Variants in C2CD3 observed in about 807,000 individuals in gnomAD.
The protein encoded by C2CD3 is C2 domain-containing protein 3.
In C2CD3, 148 loss-of-function variants were observed where a neutral mutation model predicts 234.0. The observed-to-expected ratio is 0.63, with a 90% CI of 0.55 to 0.72. C2CD3 has a LOEUF of 0.72. Among genes scored for constraint, C2CD3 ranks in the 30% least tolerant of loss-of-function variants. The pLI is 0.00. For missense variants in C2CD3, 2,577 were observed against 2,811.5 expected, an observed-to-expected ratio of 0.92 and a Z score of 1.89; for synonymous variants, 1,000 against 1,035.4, an observed-to-expected ratio of 0.97 and a Z score of 0.66.
At chr11:74,049,606 G>A (rs1591334564) in intron 26 of C2CD3, 64 bp from the exon 27 acceptor site, 3 of 1,292,680 alleles carry the variant, frequency 2.3e-6, no homozygotes, top group Non-Finnish European at 3.3e-6. Flanking sequence ...AGATTAGAGG[G>A]TGCACACAGA....
chr11:74,126,465 CA>C (rs1957417429), intron 7 of C2CD3, among the ~76,000 whole-genome samples: 1 of 152,096 alleles, frequency 6.6e-6, no homozygotes. Flanking sequence ...GCAATTTGGT[CA>C]GACATGGTGC....
intron 22 of C2CD3, 115 bp downstream of exon 22, chr11:74,084,763 GTGT>G (rs1371184920): frequency 1.6e-6 from 1 of 639,024 alleles, no homozygotes; most frequent in African/African-American, 1.8e-5. Flanking sequence ...TCAGAAGCAT[GTGT>G]TAAGGGGTTG....
chr11:74,146,142 G>GAGTGGTATA (rs1855171480), intron 3 of C2CD3, among the ~76,000 whole-genome samples: 1 of 152,140 alleles, frequency 6.6e-6, no homozygotes, highest in Admixed American at 6.5e-5. Flanking sequence ...AGTAAATAAT[G>GAGTGGTATA]AGTGGTATAC....
chr11:74,024,656 T>C (rs1349959152), intron 32 of C2CD3, among the ~76,000 whole-genome samples: 1 of 152,244 alleles, frequency 6.6e-6, no homozygotes, highest in East Asian at 1.9e-4. Context: ...TTTCAATCTT[T>C]TTAAAAAATG....
chr11:74,037,027 G>T (rs1952781632), intron 30 of C2CD3, among the ~76,000 whole-genome samples: 1 of 152,192 alleles, frequency 6.6e-6, no homozygotes, highest in Admixed American at 6.5e-5. Context: ...GAATCATCTA[G>T]GGTGCTTGTT....
At chr11:74,112,585 C>A (rs1372844200) in intron 11 of C2CD3, among the ~76,000 whole-genome samples, 1 of 151,866 alleles carries the variant, frequency 6.6e-6, no homozygotes, top group Admixed American at 6.6e-5. Context: ...CTAGGATATA[C>A]AAAGAACTCT....
chr11:74,048,227 G>T lies in C2CD3; in HGVS notation c.5473C>A (p.Leu1825Ile). The change falls in exon 28 of 33, where the codon CTT (leucine) becomes ATT (isoleucine). Residue 1825 changes from leucine (L) to isoleucine (I), a missense_variant. Coordinates refer to ENST00000334126, the MANE Select transcript of C2CD3 (RefSeq NM_001286577.2). The part of the protein sequence containing the change: ...DQLAHASSKE[L>I]DFSSPGRSDT... ...CACCTCCCAGGAGAGGAGAAATCAA[G>T]CTCCTTTGAGGAGGCATGAGCAAGT... 6.2e-7 allele frequency: 1 copy of T among 1,613,470 alleles called. No individual in the cohort carries two copies. Among genetic ancestry groups the T allele is most frequent in the Non-Finnish European group, 8.5e-7 (1 of 1,179,746 alleles).
chr11:74,081,644 T>C (rs565023323), intron 22 of C2CD3, among the ~76,000 whole-genome samples: 5 of 152,244 alleles, frequency 3.3e-5, no homozygotes, highest in African/African-American at 4.8e-5. Context: ...ATCATCATCA[T>C]CACCACCATC....
chr11:74,078,047 G>A, intron 23 of C2CD3, 68 bp downstream of exon 23: 2 of 1,520,558 alleles, frequency 1.3e-6, no homozygotes, highest in South Asian at 1.3e-5. Flanking sequence ...CTGACAGAGT[G>A]TCTCACCTAG....
intron 22 of C2CD3, among the ~76,000 whole-genome samples, chr11:74,080,398 A>G (rs1955293321): frequency 6.6e-6 from 1 of 152,132 alleles, no homozygotes; most frequent in South Asian, 2.1e-4. Flanking sequence ...CTTTGGCTCT[A>G]AGATTATGTT....
At chr11:74,082,864 G>A (rs930560787) in intron 22 of C2CD3, among the ~76,000 whole-genome samples, 2 of 152,166 alleles carry the variant, frequency 1.3e-5, no homozygotes, top group Admixed American at 1.3e-4. Flanking sequence ...TGGCCATACT[G>A]CCGAAGGTAA....
chr11:74,139,724 T>C lies in C2CD3; in HGVS notation c.588A>G (p.Arg196=), dbSNP rs1055223575. 1 of 1,612,478 alleles carries C rather than the reference T, an allele frequency of 6.2e-7. No individual in the cohort carries two copies. Among genetic ancestry groups the C allele is most frequent in the African/African-American group, 1.3e-5 (1 of 74,876 alleles). The change falls in exon 4 of 33, where the codon AGA becomes AGG. Residue 196 remains arginine, a synonymous_variant. Transcript: ENST00000334126. ...GGGTACTGCTGGGTTCAGTATTCTC[T>C]CTGAATCCCTGCTTAGATAAAAGCA... ...ENVLLSKQGF[R]ENTEPSSTQF...
chr11:74,143,898 T>A (rs1172002267), intron 3 of C2CD3, among the ~76,000 whole-genome samples: 1 of 152,170 alleles, frequency 6.6e-6, no homozygotes, highest in Non-Finnish European at 1.5e-5. Context: ...AAATTAAATT[T>A]AAAAATAATT....
chr11:74,132,459 G>A (rs2135536388), intron 7 of C2CD3, among the ~76,000 whole-genome samples: 1 of 152,288 alleles, frequency 6.6e-6, no homozygotes. Flanking sequence ...GCAAAGTTAG[G>A]TACAATTCCA....
At chr11:74,146,194 T>C (rs1320041940) in intron 3 of C2CD3, among the ~76,000 whole-genome samples, 1 of 152,160 alleles carries the variant, frequency 6.6e-6, no homozygotes, top group Non-Finnish European at 1.5e-5. Context: ...AGCTTTAGGG[T>C]GTCAAAGTCT....
intron 32 of C2CD3, among the ~76,000 whole-genome samples, chr11:74,022,125 G>A (rs554161131): frequency 6.6e-6 from 1 of 151,846 alleles, no homozygotes; most frequent in African/African-American, 2.4e-5. Context: ...TTCCGTCTCG[G>A]GGAAAAAAAA....
chr11:74,078,701 A>G lies in C2CD3; in HGVS notation c.4017T>C (p.Tyr1339=). ...CCCCGTCTTCTGGTAAAATGATAGG[A>G]TACCATCCTGTGATCCCTTACGGGA... ...LIKRSGITGW[Y]PIILPEDGGL... Residue 1339 remains tyrosine (Y), a synonymous_variant, in exon 23 of 33, where the codon TAT becomes TAC. Transcript: ENST00000334126. 6.2e-7 allele frequency: 1 copy of G among 1,604,164 alleles called. No individual in the cohort carries two copies.
chr11:74,144,384 G>A (rs1436455987), intron 3 of C2CD3, among the ~76,000 whole-genome samples: 4 of 152,158 alleles, frequency 2.6e-5, no homozygotes, highest in Non-Finnish European at 4.4e-5. Flanking sequence ...GAGCTTGCCA[G>A]CTCCCCAAAG....
At chr11:74,150,999 C>A (rs1590946868) in intron 3 of C2CD3, among the ~76,000 whole-genome samples, 1 of 151,838 alleles carries the variant, frequency 6.6e-6, no homozygotes, top group African/African-American at 2.4e-5. Context: ...AATCTCCGCT[C>A]ACTGCAACCT....
Sources: gnomAD v4.1 joint callset for allele counts (sites outside exome capture counted in the v4.1 genomes callset) on GRCh38, gnomAD v4.1.1 for gene constraint, MANE v1.5 for transcripts, NCBI Gene and HGNC (gene_info 2026-07-23, HGNC 2026-07-21) for gene names.